The following MTURN variants were observed in gnomAD, a reference collection of about 807,000 sequenced individuals.
MTURN encodes the protein maturin, neural progenitor differentiation regulator homolog, also known as maturin.
Under a neutral mutation model 14.9 loss-of-function variants are expected in MTURN, and 7 were observed. That is an observed-to-expected ratio of 0.47 (90% confidence interval 0.27 to 0.88). The LOEUF (loss-of-function observed/expected upper bound fraction) is 0.88, where lower values mean the gene tolerates loss of function less well. Among genes scored for constraint, MTURN ranks in the 40% least tolerant of loss-of-function variants. The pLI is 0.14. For missense variants in MTURN, 151 were observed against 174.1 expected, an observed-to-expected ratio of 0.87 and a Z score of 0.75; for synonymous variants, 69 against 72.5, an observed-to-expected ratio of 0.95 and a Z score of 0.25.
intron 2 of MTURN, among the ~76,000 whole-genome samples, chr7:30,148,172 A>G (rs1383181357): frequency 1.3e-5 from 2 of 152,250 alleles, no homozygotes; most frequent in Non-Finnish European, 2.9e-5. Context: ...TGAGTAGGGA[A>G]CCAGGGAAGG....
rs780086170 is a variant in MTURN, at chr7:30,137,541, T to C, written c.162+2243T>C. The C allele has an allele frequency of 1.2e-4, 53 of 454,406 alleles. 1 individual carries two copies. Among genetic ancestry groups the C allele is most frequent in the Non-Finnish European group, 2.0e-4 (44 of 217,352 alleles). 28.1% of individuals were successfully genotyped at this position (454,406 alleles called of 1,614,324 possible). On this transcript the variant is annotated intron_variant, in intron 1 of 2. Transcript: ENST00000324453. Reference sequence around the variant, plus strand: ...TTGAAAGTGTCATGTAAACTGACAATTTAAATAGAATAGATAGAAAGATAG... The same window carrying C: ...TTGAAAGTGTCATGTAAACTGACAACTTAAATAGAATAGATAGAAAGATAG...
rs1181729944 is a variant in MTURN at position 30,162,409 on chromosome 7, A to G, written c.*4861A>G. The G allele has an allele frequency of 6.6e-6, 1 of 152,404 alleles. No individual in the cohort carries two copies. Among genetic ancestry groups the G allele is most frequent in the African/African-American group, 2.4e-5 (1 of 41,446 alleles). The allele number at this position is 152,404 out of a possible 1,614,324, so 9.4% of individuals were successfully genotyped here. A position where few individuals can be genotyped will look rare whatever the true frequency, so the allele number is the denominator to read the frequency against. On this transcript the variant is annotated 3_prime_UTR_variant, in exon 3 of 3. Coordinates refer to ENST00000324453, the MANE Select transcript of MTURN (RefSeq NM_152793.3). ...TCTTCACTATCCGTGATCCAGTCTT[A>G]ATTTGAGCATGAGAGCAAAATTTAG...
At chr7:30,153,916 C>A (rs1160583013) in intron 2 of MTURN, among the ~76,000 whole-genome samples, 2 of 152,094 alleles carry the variant, frequency 1.3e-5, no homozygotes, top group African/African-American at 4.8e-5. Context: ...TGGTGTTTCA[C>A]CATGTTGGCT....
In MTURN at chr7:30,161,310, CTG is replaced by C. The variant is rs1373822413; in HGVS notation, c.*3764_*3765del. Reference sequence around the variant, plus strand: ...AGTTACCACCTGAGCCCCAGGAAAACTGTTTTCATTTTCACGGCTGTCTCACT... The same window carrying C: ...AGTTACCACCTGAGCCCCAGGAAAACTTTTCATTTTCACGGCTGTCTCACT... On this transcript the variant is annotated 3_prime_UTR_variant, in exon 3 of 3. Transcript: ENST00000324453. 1 of 152,214 alleles carries C rather than the reference CTG, an allele frequency of 6.6e-6. No homozygotes were observed. The highest frequency in any genetic ancestry group is 2.4e-5 in the African/African-American group (1 of 41,446). The allele number at this position is 152,214 out of a possible 1,614,324, so 9.4% of individuals were successfully genotyped here.
At chr7:30,152,680 C>T (rs1351941365) in intron 2 of MTURN, among the ~76,000 whole-genome samples, 1 of 152,202 alleles carries the variant, frequency 6.6e-6, no homozygotes, top group African/African-American at 2.4e-5. Flanking sequence ...GACACCACCT[C>T]CCCTTCCTTT....
At chr7:30,140,526 C>T (rs908391814) in intron 1 of MTURN, among the ~76,000 whole-genome samples, 1 of 151,962 alleles carries the variant, frequency 6.6e-6, no homozygotes, top group African/African-American at 2.4e-5. Context: ...TTGAGTCCCG[C>T]TTATGTGCTG....
Position 30,150,771 on chromosome 7 carries a change from G to A in MTURN, c.285+4472G>A, listed in dbSNP as rs1045617084. 1.1e-4 allele frequency among the ~76,000 whole-genome samples: 16 copies of A among 152,190 alleles called. 1 individual carries two copies. Among genetic ancestry groups the A allele is most frequent in the Non-Finnish European group, 1.3e-4 (9 of 68,034 alleles). ...TGGCCCAGGAGGAAGTCCAGGAAGC[G>A]TCCATCTTGGCTGCCTCAGCTCCGT... On this transcript the variant is annotated intron_variant, in intron 2 of 2. Coordinates refer to ENST00000324453, the MANE Select transcript of MTURN (RefSeq NM_152793.3).
intron 2 of MTURN, among the ~76,000 whole-genome samples, chr7:30,148,955 GT>G (rs1797167537): frequency 6.6e-6 from 1 of 152,246 alleles, no homozygotes; most frequent in Admixed American, 6.5e-5. Context: ...TTTGCAGCAG[GT>G]TTCCTCACAG....
chr7:30,135,037 A>G lies in MTURN; in HGVS notation c.-100A>G. 1.9e-6 allele frequency: 2 copies of G among 1,037,100 alleles called. No individual in the cohort carries two copies. Among genetic ancestry groups the G allele is most frequent in the Non-Finnish European group, 2.4e-6 (2 of 844,206 alleles). 64.2% of individuals were successfully genotyped at this position (1,037,100 alleles called of 1,614,324 possible). A position where few individuals can be genotyped will look rare whatever the true frequency, so the allele number is the denominator to read the frequency against. The stretch of plus-strand genomic sequence containing the variant: ...AGCCGGCCCAGCCCGGCCCCGGAGG[A>G]GCCCGCGCAGGCCGAGCCGAGCGCC... On this transcript the variant is annotated 5_prime_UTR_variant, in exon 1 of 3. Coordinates refer to ENST00000324453, the MANE Select transcript of MTURN (RefSeq NM_152793.3).
Position 30,158,536 on chromosome 7 carries a change from A to G in MTURN, c.*988A>G, listed in dbSNP as rs1797322568. On this transcript the variant is annotated 3_prime_UTR_variant, in exon 3 of 3. Coordinates refer to ENST00000324453, the MANE Select transcript of MTURN (RefSeq NM_152793.3). ...AAAAAAAAGTCAAAAAAAGGATTCC[A>G]TTGTGTAATTTATTTAAAAATTTAA... 6.6e-6 allele frequency: 1 copy of G among 152,146 alleles called. No individual in the cohort carries two copies. The highest frequency in any genetic ancestry group is 1.5e-5 in the Non-Finnish European group (1 of 68,004). 9.4% of individuals were successfully genotyped at this position (152,146 alleles called of 1,614,324 possible).
intron 2 of MTURN, among the ~76,000 whole-genome samples, chr7:30,156,868 C>CT (rs1797296440): frequency 2.0e-5 from 3 of 151,722 alleles, no homozygotes; most frequent in Admixed American, 6.6e-5. Flanking sequence ...TTTTGTCATG[C>CT]TTTTTTTACA....
intron 2 of MTURN, among the ~76,000 whole-genome samples, chr7:30,149,930 A>G (rs752192894): frequency 6.6e-6 from 1 of 152,126 alleles, no homozygotes; most frequent in Non-Finnish European, 1.5e-5. Flanking sequence ...TTCTGTGAGC[A>G]TGTTCTGCAG....
At chr7:30,150,054 T>G (rs113431528) in intron 2 of MTURN, among the ~76,000 whole-genome samples, 29 of 152,386 alleles carry the variant, frequency 1.9e-4, no homozygotes, top group African/African-American at 7.0e-4. Flanking sequence ...TACCACTTGC[T>G]GGCTGTGTGA....
chr7:30,148,910 A>T (rs1309412480), intron 2 of MTURN, among the ~76,000 whole-genome samples: 1 of 152,216 alleles, frequency 6.6e-6, no homozygotes, highest in African/African-American at 2.4e-5. Flanking sequence ...TGTAAATTTT[A>T]ACCAGAAGAA....
intron 1 of MTURN, among the ~76,000 whole-genome samples, chr7:30,145,303 G>A (rs1797113309): frequency 6.6e-6 from 1 of 152,132 alleles, no homozygotes; most frequent in Non-Finnish European, 1.5e-5. Flanking sequence ...GACCAGCCTG[G>A]GCAACATGGC....
chr7:30,160,377 A>G lies in MTURN; in HGVS notation c.*2829A>G, dbSNP rs772403390. 1 of 152,252 alleles carries G rather than the reference A, an allele frequency of 6.6e-6. No homozygotes were observed. Among genetic ancestry groups the G allele is most frequent in the Non-Finnish European group, 1.5e-5 (1 of 68,096 alleles). The allele number at this position is 152,252 out of a possible 1,614,324, so 9.4% of individuals were successfully genotyped here. ...CCCAGAGGACTTATCTCAGCTGTAC[A>G]TGCTCTGCCTGTGGAGACATGGCTT... On this transcript the variant is annotated 3_prime_UTR_variant, in exon 3 of 3. Transcript: ENST00000324453.
rs1797370041 is a variant in MTURN at position 30,161,251 on chromosome 7, T to G, written c.*3703T>G. On this transcript the variant is annotated 3_prime_UTR_variant, in exon 3 of 3. Transcript: ENST00000324453. The stretch of plus-strand genomic sequence containing the variant: ...GGACTTAACTTGGGGTGGGAGGAGA[T>G]GAATAAGGGAGAATGGGAGAGTTGG... 6.6e-6 allele frequency: 1 copy of G among 152,060 alleles called. No individual in the cohort carries two copies. Among genetic ancestry groups the G allele is most frequent in the Admixed American group, 6.6e-5 (1 of 15,232 alleles). 9.4% of individuals were successfully genotyped at this position (152,060 alleles called of 1,614,324 possible). A position where few individuals can be genotyped will look rare whatever the true frequency, so the allele number is the denominator to read the frequency against.
At chr7:30,154,032 C>T (rs1203157153) in intron 2 of MTURN, among the ~76,000 whole-genome samples, 1 of 152,066 alleles carries the variant, frequency 6.6e-6, no homozygotes, top group Admixed American at 6.6e-5. Flanking sequence ...CCCCCTTTAA[C>T]CTCAGTAGGG....
intron 1 of MTURN, among the ~76,000 whole-genome samples, chr7:30,138,397 G>C (rs1796999231): frequency 3.3e-5 from 5 of 152,114 alleles, no homozygotes; most frequent in Admixed American, 6.5e-5. Flanking sequence ...TGATAGGCGT[G>C]AGCCACTGCA....
Sources: allele counts gnomAD v4.1 joint callset (sites outside exome capture counted in the v4.1 genomes callset), GRCh38; gene constraint gnomAD v4.1.1; transcripts MANE v1.5; gene names NCBI Gene and HGNC (gene_info 2026-07-23, HGNC 2026-07-21).